The following CDC14A variants were observed in gnomAD, a reference collection of about 807,000 sequenced individuals.
The protein encoded by CDC14A is cell division cycle 14A.
Under a neutral mutation model 74.4 loss-of-function variants are expected in CDC14A, and 53 were observed. That is an observed-to-expected ratio of 0.71 (90% CI 0.57 to 0.89). The LOEUF (loss-of-function observed/expected upper bound fraction) is 0.89. Among genes scored for constraint, CDC14A ranks in the 40% least tolerant of loss-of-function variants. The pLI is 0.00. For synonymous variants in CDC14A, 247 were observed against 258.4 expected, an observed-to-expected ratio of 0.96 and a Z score of 0.43; for missense variants, 646 against 713.7, an observed-to-expected ratio of 0.91 and a Z score of 1.08.
rs148104790 is a variant in CDC14A, at chr1:100,450,563, C to CT, written c.520-4841dup. ...AAGAACTATTAGAAGAAGCATTCTCCTGGAGCTGTCTGGTAGTGTTCATTA... is the reference window on the plus strand; with the variant it reads ...AAGAACTATTAGAAGAAGCATTCTCCTTGGAGCTGTCTGGTAGTGTTCATTA... On this transcript the variant is annotated intron_variant, in intron 7 of 15. Coordinates refer to ENST00000336454, the MANE Select transcript of CDC14A (RefSeq NM_003672.4). Among the ~76,000 whole-genome samples the CT allele has an allele frequency of 5.7e-3, 869 of 152,262 alleles. 10 individuals are homozygous for CT. Among genetic ancestry groups the CT allele is most frequent in the African/African-American group, 0.02 (828 of 41,536 alleles).
chr1:100,502,873 TTAAG>T (rs1197413297), intron 15 of CDC14A, among the ~76,000 whole-genome samples: 2 of 152,210 alleles, frequency 1.3e-5, no homozygotes, highest in African/African-American at 4.8e-5. Context: ...ATAATTCAAT[TTAAG>T]TAATAGTCTG....
At chr1:100,397,800 G>A (rs1205483545) in intron 4 of CDC14A, among the ~76,000 whole-genome samples, 1 of 152,160 alleles carries the variant, frequency 6.6e-6, no homozygotes, top group Admixed American at 6.5e-5. Context: ...TCTACATTGT[G>A]GATTAACTGA....
At chr1:100,407,562 ACTTTGTGGAAGTTG>A (rs2101028509) in intron 4 of CDC14A, among the ~76,000 whole-genome samples, 1 of 152,282 alleles carries the variant, frequency 6.6e-6, no homozygotes, top group African/African-American at 2.4e-5. Flanking sequence ...GTATCCTGAG[ACTTTGTGGAAGTTG>A]CTTATCAGCT....
intron 4 of CDC14A, chr1:100,393,007 A>G (rs965852039): frequency 1.5e-6 from 2 of 1,306,312 alleles, no homozygotes; most frequent in Non-Finnish European, 2.1e-6. Flanking sequence ...TGAGAGCCCA[A>G]CTTTTCTACC....
At chr1:100,435,823 TAAAAAAA>T (rs10545372) in intron 5 of CDC14A, among the ~76,000 whole-genome samples, 3 of 97,944 alleles carry the variant, frequency 3.1e-5, no homozygotes, top group African/African-American at 8.6e-5. Flanking sequence ...AGACTTCGTC[TAAAAAAA>T]AAAAAAAAAA....
rs1393948008 is a variant in CDC14A at position 100,433,044 on chromosome 1, A to AT, written c.390-6874dup. Among the ~76,000 whole-genome samples the AT allele has an allele frequency of 8.7e-3, 1,291 of 148,430 alleles. 19 individuals carry two copies. Among genetic ancestry groups the AT allele is most frequent in the African/African-American group, 0.029 (1,179 of 40,094 alleles). ...CTTGCTACCACTCCTGTCTAATTAAATTTTTTTTTTTTTTAAATAGAGAAG... is the reference window on the plus strand; with the variant it reads ...CTTGCTACCACTCCTGTCTAATTAAATTTTTTTTTTTTTTTAAATAGAGAAG... On this transcript the variant is annotated intron_variant, in intron 5 of 15. Coordinates refer to ENST00000336454, the MANE Select transcript of CDC14A (RefSeq NM_003672.4).
intron 5 of CDC14A, among the ~76,000 whole-genome samples, chr1:100,431,257 G>A (rs912889218): frequency 6.6e-6 from 1 of 151,752 alleles, no homozygotes; most frequent in Non-Finnish European, 1.5e-5. Context: ...GAACAAGAAG[G>A]TGCTTTGGTG....
At chr1:100,362,731 G>A (rs1196434692) in intron 2 of CDC14A, among the ~76,000 whole-genome samples, 1 of 152,180 alleles carries the variant, frequency 6.6e-6, no homozygotes, top group East Asian at 1.9e-4. Flanking sequence ...TGTGGATTGA[G>A]AGTCATCAAA....
upstream of CDC14A, chr1:100,351,893 C>A (rs1332501477): frequency 1.1e-5 from 13 of 1,187,752 alleles, no homozygotes; most frequent in African/African-American, 1.5e-5. Flanking sequence ...AAGATGCAGA[C>A]CCCCTCAGTG....
chr1:100,442,671 C>T (rs530623537), intron 6 of CDC14A, among the ~76,000 whole-genome samples: 1 of 151,842 alleles, frequency 6.6e-6, no homozygotes, highest in Non-Finnish European at 1.5e-5. Flanking sequence ...ATTTTACATA[C>T]AAAACTGATG....
At chr1:100,448,640 T>G (rs1665807757) in intron 7 of CDC14A, among the ~76,000 whole-genome samples, 1 of 152,238 alleles carries the variant, frequency 6.6e-6, no homozygotes, top group Non-Finnish European at 1.5e-5. Context: ...AGCTCCATTC[T>G]GGTCACACTG....
intron 5 of CDC14A, among the ~76,000 whole-genome samples, chr1:100,427,789 T>C (rs1007660034): frequency 6.6e-6 from 1 of 152,180 alleles, no homozygotes; most frequent in Non-Finnish European, 1.5e-5. Flanking sequence ...GAGAGCTCAG[T>C]GTATAGTCTG....
intron 15 of CDC14A, among the ~76,000 whole-genome samples, chr1:100,510,543 C>T (rs11166466): frequency 0.016 from 2,500 of 152,274 alleles, 64 homozygotes; most frequent in African/African-American, 0.057. Flanking sequence ...TCTGACCCTG[C>T]CTGTTTCCCC....
intron 11 of CDC14A, among the ~76,000 whole-genome samples, chr1:100,491,546 C>CTATATATA (rs1300450625): frequency 1.8e-4 from 7 of 39,932 alleles, no homozygotes; most frequent in South Asian, 1.1e-3. Context: ...CTCTCTCTCT[C>CTATATATA]TCTATATATA....
At chr1:100,443,847 G>T (rs1665232518) in intron 7 of CDC14A, among the ~76,000 whole-genome samples, 1 of 152,132 alleles carries the variant, frequency 6.6e-6, no homozygotes, top group South Asian at 2.1e-4. Flanking sequence ...GAGGAGTCTA[G>T]AAGTCATTAA....
At chr1:100,399,420 C>T (rs994319274) in intron 4 of CDC14A, among the ~76,000 whole-genome samples, 1 of 152,010 alleles carries the variant, frequency 6.6e-6, no homozygotes, top group African/African-American at 2.4e-5. Context: ...TTTTAAGACT[C>T]TTGGAGCATA....
chr1:100,370,295 T>C (rs1316269375), intron 2 of CDC14A, among the ~76,000 whole-genome samples: 3 of 151,970 alleles, frequency 2.0e-5, no homozygotes, highest in African/African-American at 7.2e-5. Flanking sequence ...AAAGTTTTTT[T>C]TTTTTTTGTA....
At chr1:100,437,856 C>A (rs896575068) in intron 5 of CDC14A, among the ~76,000 whole-genome samples, 2 of 151,976 alleles carry the variant, frequency 1.3e-5, no homozygotes, top group African/African-American at 4.8e-5. Context: ...GATACCTCTA[C>A]ATCTTGTAAT....
intron 4 of CDC14A, among the ~76,000 whole-genome samples, chr1:100,395,594 G>A (rs1658360437): frequency 6.6e-6 from 1 of 152,150 alleles, no homozygotes; most frequent in Admixed American, 6.5e-5. Context: ...AGCTTTATAT[G>A]TTGTCTCCTT....
Sources: gnomAD v4.1 joint callset for allele counts (sites outside exome capture counted in the v4.1 genomes callset) on GRCh38, gnomAD v4.1.1 for gene constraint, MANE v1.5 for transcripts, NCBI Gene and HGNC (gene_info 2026-07-23, HGNC 2026-07-21) for gene names.